The following STX8 variants were observed in gnomAD, a reference collection of about 807,000 sequenced individuals.
The protein encoded by STX8 is syntaxin-8.
In STX8, 23 loss-of-function variants were observed where a neutral mutation model predicts 37.5. The ratio of observed to expected loss-of-function variants is 0.61; its 90% CI spans 0.44 to 0.87. STX8 has a LOEUF of 0.87. Among genes scored for constraint, STX8 ranks in the 40% least tolerant of loss-of-function variants. STX8 has a pLI of 0.00. For synonymous variants in STX8, 115 were observed against 99.1 expected (o/e 1.16, Z -0.95); for missense variants, 313 against 284.7 (o/e 1.10, Z -0.71).
intron 7 of STX8, among the ~76,000 whole-genome samples, chr17:9,316,424 G>A (rs1287002175): frequency 1.3e-5 from 2 of 152,022 alleles, no homozygotes; most frequent in Non-Finnish European, 2.9e-5. Flanking sequence ...GGGAAGAGGA[G>A]AGCAGCTGAA....
At chr17:9,503,759 G>T (rs188490651) in intron 5 of STX8, among the ~76,000 whole-genome samples, 2 of 152,124 alleles carry the variant, frequency 1.3e-5, no homozygotes, top group Admixed American at 6.6e-5. Context: ...CATACTAAGT[G>T]GTTTTTTCTT....
chr17:9,321,027 C>T (rs141032282), intron 7 of STX8, among the ~76,000 whole-genome samples: 7 of 149,356 alleles, frequency 4.7e-5, no homozygotes, highest in South Asian at 2.1e-4. Flanking sequence ...GGCAGAGAGA[C>T]GAGAGAAGAG....
At chr17:9,473,024 A>G (rs1905941147) in intron 6 of STX8, among the ~76,000 whole-genome samples, 1 of 150,868 alleles carries the variant, frequency 6.6e-6, no homozygotes, top group African/African-American at 2.5e-5. Flanking sequence ...AACACCATGC[A>G]TGTGTCTCAG....
intron 4 of STX8, among the ~76,000 whole-genome samples, chr17:9,528,057 T>A (rs796664719): frequency 5.3e-5 from 8 of 152,358 alleles, no homozygotes; most frequent in African/African-American, 1.4e-4. Flanking sequence ...CTTGGAGGAA[T>A]GTCCAAATTT....
rs73973761 is a variant in STX8, at chr17:9,440,262, C to T, written c.541+51567G>A. Among the ~76,000 whole-genome samples the T allele has an allele frequency of 3.0e-3, 458 of 152,226 alleles. 4 individuals carry two copies. The highest frequency in any genetic ancestry group is 0.01 in the African/African-American group (425 of 41,506). On this transcript the variant is annotated intron_variant, in intron 6 of 7. Transcript: ENST00000306357. ...AAAATTTGGAGATTTGTTATTAGTA[C>T]CATTACCTACCTAGTTATATGTGCT...
intron 7 of STX8, among the ~76,000 whole-genome samples, chr17:9,338,608 TGA>T (rs1910221722): frequency 6.6e-6 from 1 of 152,210 alleles, no homozygotes; most frequent in Non-Finnish European, 1.5e-5. Context: ...ATTTCTGCAG[TGA>T]GATTTTTGTC....
chr17:9,494,883 G>A (rs1050795494), intron 5 of STX8, among the ~76,000 whole-genome samples: 1 of 152,062 alleles, frequency 6.6e-6, no homozygotes, highest in Non-Finnish European at 1.5e-5. Flanking sequence ...TGAGAACACT[G>A]TGAAGCTGAG....
At chr17:9,301,460 T>A (rs948055189) in intron 7 of STX8, among the ~76,000 whole-genome samples, 16 of 151,628 alleles carry the variant, frequency 1.1e-4, no homozygotes, top group Non-Finnish European at 1.9e-4. Context: ...TACTTTTTTT[T>A]AATTTTTATT....
intron 7 of STX8, among the ~76,000 whole-genome samples, chr17:9,349,797 T>C (rs1910649180): frequency 6.6e-6 from 1 of 151,786 alleles, no homozygotes; most frequent in African/African-American, 2.4e-5. Context: ...TGTGATAATG[T>C]GAGAGGATGA....
intron 6 of STX8, among the ~76,000 whole-genome samples, chr17:9,432,984 C>T (rs944919299): frequency 6.6e-6 from 1 of 152,204 alleles, no homozygotes; most frequent in African/African-American, 2.4e-5. Flanking sequence ...TGAACTGGTT[C>T]ACTCTGGATC....
At chr17:9,369,970 T>G (rs899122560) in intron 7 of STX8, among the ~76,000 whole-genome samples, 6 of 148,280 alleles carry the variant, frequency 4.0e-5, no homozygotes, top group African/African-American at 1.5e-4. Context: ...ATCCCAACAC[T>G]TTGGGAGGCT....
intron 7 of STX8, among the ~76,000 whole-genome samples, chr17:9,316,940 C>G (rs752741263): frequency 1.3e-5 from 2 of 152,136 alleles, no homozygotes; most frequent in African/African-American, 4.8e-5. Context: ...ATCATTCACA[C>G]CTGGTATCAG....
chr17:9,384,902 T>C (rs944552144), intron 6 of STX8, among the ~76,000 whole-genome samples: 2 of 147,112 alleles, frequency 1.4e-5, no homozygotes, highest in African/African-American at 2.5e-5. Context: ...ACTGGATATA[T>C]GTATGAGGAA....
intron 6 of STX8, among the ~76,000 whole-genome samples, chr17:9,439,969 G>T (rs1904581107): frequency 6.6e-6 from 1 of 152,124 alleles, no homozygotes; most frequent in South Asian, 2.1e-4. Flanking sequence ...CATGGCAAAG[G>T]GTATTCTGCA....
At chr17:9,352,800 G>A (rs754398147) in intron 7 of STX8, among the ~76,000 whole-genome samples, 4 of 151,964 alleles carry the variant, frequency 2.6e-5, no homozygotes, top group African/African-American at 7.3e-5. Flanking sequence ...CTGTGGATAC[G>A]CAAACTCATG....
intron 7 of STX8, among the ~76,000 whole-genome samples, chr17:9,291,436 G>A (rs773476041): frequency 7.3e-6 from 1 of 137,816 alleles, no homozygotes; most frequent in Non-Finnish European, 1.6e-5. Context: ...AGTGAGACTC[G>A]GTCTCAAAAA....
chr17:9,311,812 G>GTAA (rs1194623091), intron 7 of STX8, among the ~76,000 whole-genome samples: 1 of 152,052 alleles, frequency 6.6e-6, no homozygotes, highest in East Asian at 1.9e-4. Context: ...TGATAACATG[G>GTAA]TAAGTACTTT....
chr17:9,254,939 T>C (rs1254682678), intron 7 of STX8, among the ~76,000 whole-genome samples: 1 of 151,610 alleles, frequency 6.6e-6, no homozygotes, highest in Non-Finnish European at 1.5e-5. Context: ...ATAGAAGGAG[T>C]GGTCAGCAGA....
rs867908392 is a variant in STX8 at position 9,511,850 on chromosome 17, C to A, written c.324-6688G>T. ...ATAGAGAGAAAAGCCTAAAGACTACCAAAAAAAAACCTCTCAGAACTGATA... is the reference window on the plus strand; with the variant it reads ...ATAGAGAGAAAAGCCTAAAGACTACAAAAAAAAAACCTCTCAGAACTGATA... On this transcript the variant is annotated intron_variant, in intron 4 of 7. Transcript: ENST00000306357. Among the ~76,000 whole-genome samples the A allele has an allele frequency of 2.2e-4, 33 of 150,392 alleles. 1 individual carries two copies. Among genetic ancestry groups the A allele is most frequent in the Middle Eastern group, 6.9e-3 (2 of 290 alleles).
Sources: gnomAD v4.1 joint callset for allele counts (sites outside exome capture counted in the v4.1 genomes callset) on GRCh38, gnomAD v4.1.1 for gene constraint, MANE v1.5 for transcripts, NCBI Gene and HGNC (gene_info 2026-07-23, HGNC 2026-07-21) for gene names.